The following THEMIS variants were observed in gnomAD, a reference collection of about 807,000 sequenced individuals.
The protein encoded by THEMIS is protein THEMIS.
THEMIS carries 37 observed loss-of-function variants against 52.6 expected under a neutral mutation model. The observed-to-expected ratio is 0.70, with a 90% CI of 0.54 to 0.93. The LOEUF (loss-of-function observed/expected upper bound fraction) is 0.93, where lower values mean the gene tolerates loss of function less well. Ranked by LOEUF, THEMIS falls within the 40% of genes least tolerant of loss-of-function variation. The probability of loss-of-function intolerance (pLI) is 0.00; values close to 1 mark genes in which losing one functional copy is unlikely to be tolerated. For missense variants in THEMIS, 808 were observed against 763.1 expected, an observed-to-expected ratio of 1.06 and a Z score of -0.69; for synonymous variants, 292 against 272.7, an observed-to-expected ratio of 1.07 and a Z score of -0.70.
chr6:127,809,034 A>G (rs1777814551), intron 4 of THEMIS, among the ~76,000 whole-genome samples: 1 of 152,222 alleles, frequency 6.6e-6, no homozygotes, highest in African/African-American at 2.4e-5. Context: ...TAGTAAAGTT[A>G]ATGATCCATT....
chr6:127,799,386 G>T (rs916111262), intron 4 of THEMIS, among the ~76,000 whole-genome samples: 21 of 152,136 alleles, frequency 1.4e-4, no homozygotes, highest in African/African-American at 4.3e-4. Context: ...GAATCTACAG[G>T]ATTTGATGAT....
chr6:127,798,987 G>T, intron 4 of THEMIS, among the ~76,000 whole-genome samples: 1 of 118,820 alleles, frequency 8.4e-6, no homozygotes, highest in Non-Finnish European at 1.7e-5. Context: ...GCGAGACTCC[G>T]TCTCAAAAAA....
At chr6:127,916,792 C>T (rs1189815917) in intron 1 of THEMIS, among the ~76,000 whole-genome samples, 1 of 152,162 alleles carries the variant, frequency 6.6e-6, no homozygotes, top group Non-Finnish European at 1.5e-5. Flanking sequence ...TGCTCACAGC[C>T]AAGGACCTCA....
chr6:127,767,889 T>C (rs1441265933), intron 4 of THEMIS, among the ~76,000 whole-genome samples: 2 of 152,170 alleles, frequency 1.3e-5, no homozygotes, highest in East Asian at 1.9e-4. Flanking sequence ...ACGACCTCAC[T>C]AGGTGAAACA....
the THEMIS span, among the ~76,000 whole-genome samples, chr6:127,696,972 A>G: frequency 6.6e-6 from 1 of 152,074 alleles, no homozygotes; most frequent in South Asian, 2.1e-4. Flanking sequence ...GGACACGCAC[A>G]ATTCAACTCA....
At chr6:127,808,135 C>A (rs1276939909) in intron 4 of THEMIS, among the ~76,000 whole-genome samples, 1 of 152,170 alleles carries the variant, frequency 6.6e-6, no homozygotes, top group East Asian at 1.9e-4. Context: ...AATGGCCAAA[C>A]AGAGTTAGTG....
At chr6:127,874,126 C>T (rs1338339541) in intron 1 of THEMIS, among the ~76,000 whole-genome samples, 2 of 152,176 alleles carry the variant, frequency 1.3e-5, no homozygotes, top group Non-Finnish European at 2.9e-5. Context: ...AATGAGCTCA[C>T]TTTTTACTGC....
Position 127,915,586 on chromosome 6 carries a change from A to AAG in THEMIS, c.-150+2840_-150+2841dup, listed in dbSNP as rs34353449. Among the ~76,000 whole-genome samples the AAG allele has an allele frequency of 8.1e-3, 1,135 of 140,368 alleles. 7 individuals are homozygous for AAG. Among genetic ancestry groups the AAG allele is most frequent in the African/African-American group, 0.02 (740 of 37,208 alleles). The allele number at this position is 140,368 out of a possible 152,430, so 92.1% of individuals were successfully genotyped here. On this transcript the variant is annotated intron_variant, in intron 1 of 6. Transcript: ENST00000368250. ...GTGGGGAGAGAGAGGGTCAGAGAGAAAGAGAGAGAGAGAGAGAGAGAGAGA... is the reference window on the plus strand; with the variant it reads ...GTGGGGAGAGAGAGGGTCAGAGAGAAAGAGAGAGAGAGAGAGAGAGAGAGAGA...
At chr6:127,749,299 T>G (rs1045174176) in intron 4 of THEMIS, among the ~76,000 whole-genome samples, 1 of 152,052 alleles carries the variant, frequency 6.6e-6, no homozygotes, top group African/African-American at 2.4e-5. Flanking sequence ...TATGTGGTGA[T>G]TATAAACTGA....
intron 4 of THEMIS, among the ~76,000 whole-genome samples, chr6:127,769,209 T>C (rs1412612186): frequency 2.6e-5 from 4 of 152,202 alleles, no homozygotes; most frequent in Non-Finnish European, 5.9e-5. Context: ...ATTTTTAAGA[T>C]GCCATTTAAT....
chr6:127,909,185 C>A (rs185394201), intron 1 of THEMIS, among the ~76,000 whole-genome samples: 13 of 152,218 alleles, frequency 8.5e-5, no homozygotes, highest in African/African-American at 2.9e-4. Flanking sequence ...CTTAACCTGA[C>A]AAATGTATAC....
At chr6:127,730,367 A>C (rs1467110730) in intron 4 of THEMIS, among the ~76,000 whole-genome samples, 3 of 149,362 alleles carry the variant, frequency 2.0e-5, no homozygotes, top group Non-Finnish European at 4.5e-5. Flanking sequence ...AAGAGAAGAC[A>C]AGAGAAGAGA....
intron 4 of THEMIS, among the ~76,000 whole-genome samples, chr6:127,763,669 T>C (rs1246375811): frequency 6.6e-6 from 1 of 152,010 alleles, no homozygotes; most frequent in Admixed American, 6.6e-5. Flanking sequence ...CATATAAAAC[T>C]ACATTGACCA....
chr6:127,817,126 G>T lies in THEMIS; in HGVS notation c.710-3195C>A, dbSNP rs190551721. ...TATATTATGAACATTTTCTATTTTT[G>T]TTTCCCTAAACTGAAACATATGCCT... On this transcript the variant is annotated intron_variant, in intron 3 of 5. Transcript: ENST00000368248. 2.6e-5 allele frequency among the ~76,000 whole-genome samples: 4 copies of T among 151,626 alleles called. No individual in the cohort carries two copies. The East Asian group carries it at 5.8e-4, about 22-fold the overall frequency.
chr6:127,732,298 G>C (rs1034521950), intron 4 of THEMIS, among the ~76,000 whole-genome samples: 11 of 151,800 alleles, frequency 7.2e-5, no homozygotes, highest in Non-Finnish European at 1.2e-4. Flanking sequence ...GATGGGTATG[G>C]TTCATTCATC....
intron 1 of THEMIS, among the ~76,000 whole-genome samples, chr6:127,874,399 A>G (rs1397012609): frequency 1.3e-5 from 2 of 149,028 alleles, no homozygotes; most frequent in Non-Finnish European, 3.0e-5. Context: ...GTTTTGAAAA[A>G]TGTTAACTTT....
intron 1 of THEMIS, among the ~76,000 whole-genome samples, chr6:127,887,072 T>C (rs1234303207): frequency 6.7e-6 from 1 of 148,820 alleles, no homozygotes; most frequent in Non-Finnish European, 1.5e-5. Context: ...AAAGGCAACA[T>C]AAACAAAATG....
At chr6:127,730,366 C>T (rs77791073) in intron 4 of THEMIS, among the ~76,000 whole-genome samples, 1 of 102,822 alleles carries the variant, frequency 9.7e-6, no homozygotes, top group Non-Finnish European at 2.0e-5. Flanking sequence ...AAAGAGAAGA[C>T]AAGAGAAGAG....
Position 127,813,677 on chromosome 6 carries a change from C to T in THEMIS, c.964G>A (p.Glu322Lys). 6.2e-7 allele frequency: 1 copy of T among 1,614,096 alleles called. No homozygotes were observed. The highest frequency in any genetic ancestry group is 1.1e-5 in the South Asian group (1 of 91,076). Residue 322 changes from glutamate to lysine, a missense_variant, in exon 4 of 6, where the codon GAA becomes AAA. Physicochemically the swap from Glu to Lys is moderately conservative, Grantham distance 56. Coordinates refer to ENST00000368248, the MANE Select transcript of THEMIS (RefSeq NM_001010923.3). The stretch of plus-strand genomic sequence containing the variant: ...CTTTTAGGAAAATTGCTTCTAATTT[C>T]TGAAGCTAAGATTCTTGATGCCTGG... ...KYQASRILAS[E>K]IRSNFPKRHF...
Sources: gnomAD v4.1 joint callset for allele counts (sites outside exome capture counted in the v4.1 genomes callset) on GRCh38, gnomAD v4.1.1 for gene constraint, MANE v1.5 for transcripts, NCBI Gene and HGNC (gene_info 2026-07-23, HGNC 2026-07-21) for gene names.